Variants in VPS35L observed in about 807,000 individuals in gnomAD.
The protein encoded by VPS35L is VPS35 endosomal protein sorting factor like.
VPS35L carries 83 observed loss-of-function variants against 133.0 expected under a neutral mutation model. That is an observed-to-expected ratio of 0.62 (90% CI 0.52 to 0.75). The LOEUF is 0.75. Among genes scored for constraint, VPS35L ranks in the 30% least tolerant of loss-of-function variants. The probability of loss-of-function intolerance (pLI) is 0.00; values close to 1 mark genes in which losing one functional copy is unlikely to be tolerated. For synonymous variants in VPS35L, 423 were observed against 449.9 expected, an observed-to-expected ratio of 0.94 and a Z score of 0.76; for missense variants, 1,083 against 1,206.8, an observed-to-expected ratio of 0.90 and a Z score of 1.52.
intron 26 of VPS35L, among the ~76,000 whole-genome samples, chr16:19,664,715 C>T (rs776338805): frequency 5.9e-5 from 9 of 151,996 alleles, no homozygotes; most frequent in Non-Finnish European, 1.3e-4. Flanking sequence ...GCTTGCCCAA[C>T]ATGGTGAAAC....
At chr16:19,691,266 C>A in intron 28 of VPS35L, 87 bp from the exon 29 acceptor site, 1 of 1,042,306 alleles carries the variant, frequency 9.6e-7, no homozygotes, top group Non-Finnish European at 1.5e-6. Flanking sequence ...TCTGCTGACT[C>A]GGTGTGACAT....
chr16:19,576,076 G>A (rs1279504845), intron 5 of VPS35L, among the ~76,000 whole-genome samples: 1 of 147,038 alleles, frequency 6.8e-6, no homozygotes, highest in African/African-American at 2.5e-5. Context: ...TGAGGCAGGA[G>A]AATCGCTTGA....
intron 7 of VPS35L, among the ~76,000 whole-genome samples, chr16:19,583,713 T>C (rs1054462612): frequency 6.6e-6 from 1 of 150,410 alleles, no homozygotes; most frequent in Admixed American, 6.6e-5. Flanking sequence ...CAGAGTGAGA[T>C]TGTCTCAAAA....
chr16:19,699,507 G>A lies in VPS35L; in HGVS notation c.2652G>A (p.Leu884=), dbSNP rs1025168832. 1.2e-6 allele frequency: 2 copies of A among 1,613,998 alleles called. No homozygotes were observed. Among genetic ancestry groups the A allele is most frequent in the African/African-American group, 1.3e-5 (1 of 74,956 alleles). Reference sequence around the variant, plus strand: ...ACCTCCCTTTTCTGTTTCAGGCCCTGAAGCGCCAGAGCTCGTTGGGCCTTT... The same window carrying A: ...ACCTCCCTTTTCTGTTTCAGGCCCTAAAGCGCCAGAGCTCGTTGGGCCTTT... ...HLKTLAKDEA[L]KRQSSLGLSF... is the part of the protein sequence containing the mutation. The change falls in exon 30 of 31, where the codon CTG becomes CTA. Residue 884 remains leucine (L), a synonymous_variant. Coordinates refer to ENST00000417362, the MANE Select transcript of VPS35L (RefSeq NM_020314.7). This position sits in a 1 kb window ranked among gnomAD's most constrained non-coding sequence, Gnocchi z 4.2.
rs532266351 is a variant in VPS35L at position 19,581,666 on chromosome 16, G to A, written c.639+13G>A. The A allele has an allele frequency of 1.9e-6, 3 of 1,595,850 alleles. No homozygotes were observed. The highest frequency in any genetic ancestry group is 2.5e-6 in the Non-Finnish European group (3 of 1,176,506). On this transcript the variant is annotated intron_variant, in intron 7 of 30. Coordinates refer to ENST00000417362, the MANE Select transcript of VPS35L (RefSeq NM_020314.7). ...AATAGTCATCCAGGTTAGCTCTAGTGATCCCCCACCCCCACCCAGAATTTC... is the reference window on the plus strand; with the variant it reads ...AATAGTCATCCAGGTTAGCTCTAGTAATCCCCCACCCCCACCCAGAATTTC...
rs759527881 is a variant in VPS35L at position 19,628,764 on chromosome 16, ATTTTAT to A, written c.1500+26_1500+31del. ...CTGAAGAACCCACAGGTGAGTGGCCATTTTATTTTTATTTTTATTTATTTATTTATT... is the reference window on the plus strand; with the variant it reads ...CTGAAGAACCCACAGGTGAGTGGCCATTTTATTTTTATTTATTTATTTATT... On this transcript the variant is annotated intron_variant, in intron 17 of 30. Transcript: ENST00000417362. 8.7e-7 allele frequency: 1 copy of A among 1,153,878 alleles called. No homozygotes were observed. The highest frequency in any genetic ancestry group is 1.2e-6 in the Non-Finnish European group (1 of 854,400). The allele number at this position is 1,153,878 out of a possible 1,614,324, so 71.5% of individuals were successfully genotyped here.
rs567666868 is a variant in VPS35L at position 19,626,372 on chromosome 16, C to G, written c.1271+149C>G. 1.1e-5 allele frequency: 8 copies of G among 715,262 alleles called. No homozygotes were observed. In the East Asian group the frequency reaches 1.9e-4, roughly 17 times the overall value. 44.3% of individuals were successfully genotyped at this position (715,262 alleles called of 1,614,324 possible). On this transcript the variant is annotated intron_variant, in intron 15 of 30. Coordinates refer to ENST00000417362, the MANE Select transcript of VPS35L (RefSeq NM_020314.7). ...ATGCTGGAGTCCGGTTGCCTGGCCT[C>G]AGACCTTGGCTCTGTTCTGTCTTAG... is the stretch of plus-strand genomic sequence containing the variant.
chr16:19,588,424 T>G (rs1356750836), intron 7 of VPS35L, among the ~76,000 whole-genome samples: 1 of 151,866 alleles, frequency 6.6e-6, no homozygotes, highest in Non-Finnish European at 1.5e-5. Flanking sequence ...ACTCCTGACC[T>G]CAGGTGATCC....
At chr16:19,577,589 TATTTG>T (rs1044113487) in intron 5 of VPS35L, among the ~76,000 whole-genome samples, 7 of 152,194 alleles carry the variant, frequency 4.6e-5, no homozygotes, top group African/African-American at 1.7e-4. Flanking sequence ...TTTTTTATTT[TATTTG>T]AAGACAGGTG....
chr16:19,646,477 C>G (rs1973952911), intron 23 of VPS35L, among the ~76,000 whole-genome samples: 1 of 152,012 alleles, frequency 6.6e-6, no homozygotes, highest in South Asian at 2.1e-4. Flanking sequence ...ACCAGCCTCA[C>G]CAACATGGTG....
At chr16:19,625,575 G>A (rs1036752806) in intron 14 of VPS35L, among the ~76,000 whole-genome samples, 1 of 152,112 alleles carries the variant, frequency 6.6e-6, no homozygotes, top group Non-Finnish European at 1.5e-5. Flanking sequence ...ACCCAGGTTC[G>A]ACAGAGTTGG....
chr16:19,582,355 C>A (rs1306085537), intron 7 of VPS35L, among the ~76,000 whole-genome samples: 1 of 152,156 alleles, frequency 6.6e-6, no homozygotes, highest in Non-Finnish European at 1.5e-5. Context: ...CATTTTAGTT[C>A]AAAAGGACAG....
intron 27 of VPS35L, among the ~76,000 whole-genome samples, chr16:19,680,495 G>T (rs1975233906): frequency 6.6e-6 from 1 of 152,174 alleles, no homozygotes; most frequent in Admixed American, 6.5e-5. Flanking sequence ...TGAAGTGCCT[G>T]TCCTCCTGGA....
Position 19,652,058 on chromosome 16 carries a change from AG to A in VPS35L, c.2191del (p.Val731TrpfsTer19), listed in dbSNP as rs1338481330. ...CTCAATCTCTACCTGCATTCTGGTC[AG>A]GTGGCCTTGGCCAACCAGTGCCTCT... ...TRLNLYLHSG[Q>X]VALANQCLSQ... On this transcript the variant is annotated frameshift_variant, in exon 26 of 31. Transcript: ENST00000417362. LOFTEE classifies it high-confidence loss of function. The A allele has an allele frequency of 1.2e-6, 2 of 1,611,312 alleles. No homozygotes were observed. The highest frequency in any genetic ancestry group is 1.7e-6 in the Non-Finnish European group (2 of 1,178,740).
chr16:19,674,791 A>G (rs1272913174), intron 27 of VPS35L, among the ~76,000 whole-genome samples: 1 of 151,898 alleles, frequency 6.6e-6, no homozygotes, highest in Non-Finnish European at 1.5e-5. Flanking sequence ...CTTTCTTTAT[A>G]TGTGGACTCA....
chr16:19,632,578 A>G (rs1433657465), intron 18 of VPS35L, among the ~76,000 whole-genome samples: 1 of 152,190 alleles, frequency 6.6e-6, no homozygotes, highest in African/African-American at 2.4e-5. Context: ...TTTTCTATAA[A>G]TCAGCAGTTA....
intron 7 of VPS35L, among the ~76,000 whole-genome samples, chr16:19,582,631 G>A (rs2151518884): frequency 6.6e-6 from 1 of 152,308 alleles, no homozygotes; most frequent in East Asian, 1.9e-4. Context: ...AGGGTTGCTT[G>A]CTGAGTGTCT....
intron 26 of VPS35L, among the ~76,000 whole-genome samples, chr16:19,666,992 CTTTT>C (rs903618624): frequency 2.0e-5 from 3 of 146,494 alleles, no homozygotes; most frequent in African/African-American, 7.6e-5. Flanking sequence ...TTCTTTCTTT[CTTTT>C]TTTTTGAGAC....
At chr16:19,566,296 C>T (rs1971187248) in intron 2 of VPS35L, among the ~76,000 whole-genome samples, 4 of 152,078 alleles carry the variant, frequency 2.6e-5, no homozygotes, top group Admixed American at 2.0e-4. Context: ...AGGAGTTCGA[C>T]ACCAGCCTGG....
Sources: allele counts gnomAD v4.1 joint callset (sites outside exome capture counted in the v4.1 genomes callset), GRCh38; gene constraint gnomAD v4.1.1; non-coding constraint Gnocchi (gnomAD v3.1); transcripts MANE v1.5; gene names NCBI Gene and HGNC (gene_info 2026-07-23, HGNC 2026-07-21).